Variants in KIF6 observed in about 807,000 individuals in gnomAD.
KIF6 encodes kinesin-like protein KIF6.
KIF6 carries 106 observed loss-of-function variants against 112.7 expected under a neutral mutation model. The observed-to-expected ratio is 0.94, with a 90% CI of 0.80 to 1.11. The LOEUF (loss-of-function observed/expected upper bound fraction) is 1.11. Ranked by LOEUF, KIF6 falls within the 50% of genes least tolerant of loss-of-function variation. The probability of loss-of-function intolerance (pLI) is 0.00; values close to 1 mark genes in which losing one functional copy is unlikely to be tolerated. For synonymous variants in KIF6, 339 were observed against 339.9 expected (o/e 1.00, Z 0.03); for missense variants, 929 against 964.0 (o/e 0.96, Z 0.48).
At chr6:39,360,261 A>G (rs938749738) in intron 18 of KIF6, 134 bp downstream of exon 18, 22 of 928,644 alleles carry the variant, frequency 2.4e-5, no homozygotes, top group Non-Finnish European at 3.4e-5. Flanking sequence ...TACTACAGTG[A>G]GCACCTGCTT....
At chr6:39,576,281 C>T (rs897479306) in intron 10 of KIF6, among the ~76,000 whole-genome samples, 1 of 152,020 alleles carries the variant, frequency 6.6e-6, no homozygotes, top group Non-Finnish European at 1.5e-5. Flanking sequence ...TGCACCACCA[C>T]ACCCGGCTAA....
chr6:39,639,313 A>AT (rs1784788425), intron 4 of KIF6, among the ~76,000 whole-genome samples: 1 of 152,116 alleles, frequency 6.6e-6, no homozygotes, highest in Non-Finnish European at 1.5e-5. Flanking sequence ...CTTGAGGAAT[A>AT]TAAGATATTA....
chr6:39,506,337 A>AAC (rs1450269483), intron 13 of KIF6, among the ~76,000 whole-genome samples: 2 of 152,260 alleles, frequency 1.3e-5, no homozygotes, highest in African/African-American at 4.8e-5. Context: ...GGAGGGGAAC[A>AAC]ACACACACCG....
At chr6:39,447,998 G>A (rs1301790024) in intron 13 of KIF6, among the ~76,000 whole-genome samples, 2 of 152,068 alleles carry the variant, frequency 1.3e-5, no homozygotes, top group African/African-American at 2.4e-5. Context: ...GCAGTGATAC[G>A]TTTCTTCCTG....
chr6:39,356,501 G>A (rs1004456778), intron 19 of KIF6, among the ~76,000 whole-genome samples: 2 of 152,166 alleles, frequency 1.3e-5, no homozygotes, highest in Admixed American at 6.5e-5. Context: ...CTGACCTCAG[G>A]TGATCCACCC....
chr6:39,457,926 G>A (rs1017351553), intron 13 of KIF6, among the ~76,000 whole-genome samples: 9 of 150,226 alleles, frequency 6.0e-5, no homozygotes, highest in African/African-American at 9.9e-5. Context: ...ATTCACAGCC[G>A]AATTCTACCA....
rs182747097 is a variant in KIF6, at chr6:39,674,335, C to G, written c.252-34578G>C. On this transcript the variant is annotated intron_variant, in intron 3 of 22. Coordinates refer to ENST00000287152, the MANE Select transcript of KIF6 (RefSeq NM_145027.6). ...AGGACAGGGGCCATAAGCTATAGAT[C>G]AGTCGTGTAGAAGTTGATCCTGAGC... Among the ~76,000 whole-genome samples, 213 of 152,250 alleles carry G rather than the reference C, an allele frequency of 1.4e-3. 1 individual carries two copies. The highest frequency in any genetic ancestry group is 4.9e-3 in the African/African-American group (204 of 41,548).
intron 13 of KIF6, among the ~76,000 whole-genome samples, chr6:39,529,773 C>T (rs529259263): frequency 1.9e-4 from 29 of 151,602 alleles, no homozygotes; most frequent in African/African-American, 4.8e-4. Flanking sequence ...GGCGACAGAG[C>T]GAGACTCCGT....
At chr6:39,395,446 T>C (rs1325749646) in intron 15 of KIF6, among the ~76,000 whole-genome samples, 3 of 152,198 alleles carry the variant, frequency 2.0e-5, no homozygotes, top group African/African-American at 7.2e-5. Context: ...GGGCTCATGA[T>C]TGTGTTGGTA....
chr6:39,441,582 C>A (rs2150395683), intron 13 of KIF6, among the ~76,000 whole-genome samples: 1 of 152,210 alleles, frequency 6.6e-6, no homozygotes, highest in Admixed American at 6.5e-5. Context: ...TGTAGCCCAG[C>A]TACAATTTGA....
chr6:39,573,250 G>A (rs1780744649), intron 10 of KIF6, among the ~76,000 whole-genome samples: 1 of 152,018 alleles, frequency 6.6e-6, no homozygotes, highest in Admixed American at 6.6e-5. Flanking sequence ...GAGGACTGAA[G>A]CTGATTCACA....
chr6:39,353,181 C>T (rs1014493604), intron 19 of KIF6, among the ~76,000 whole-genome samples: 5 of 152,062 alleles, frequency 3.3e-5, no homozygotes, highest in African/African-American at 1.2e-4. Flanking sequence ...TTTTGCATTC[C>T]CTCTAGCAAT....
At chr6:39,393,173 A>G (rs1581752927) in intron 15 of KIF6, among the ~76,000 whole-genome samples, 1 of 152,352 alleles carries the variant, frequency 6.6e-6, no homozygotes, top group East Asian at 1.9e-4. Context: ...GTGAGGGCAC[A>G]GTAAAGACAT....
At chr6:39,541,797 A>G (rs1435957698) in intron 12 of KIF6, among the ~76,000 whole-genome samples, 1 of 152,332 alleles carries the variant, frequency 6.6e-6, no homozygotes, top group East Asian at 1.9e-4. Flanking sequence ...GATCTGAGCC[A>G]TAAGAAGAAC....
chr6:39,381,995 G>A (rs568845891), intron 16 of KIF6, among the ~76,000 whole-genome samples: 3 of 152,294 alleles, frequency 2.0e-5, no homozygotes, highest in Non-Finnish European at 4.4e-5. Context: ...GGCCCAGGAA[G>A]TGTCTGCCCC....
At chr6:39,500,766 T>C (rs1034812551) in intron 13 of KIF6, among the ~76,000 whole-genome samples, 2 of 151,850 alleles carry the variant, frequency 1.3e-5, no homozygotes, top group Admixed American at 1.3e-4. Flanking sequence ...AAATGGGAGT[T>C]TGGAGTTCAA....
At chr6:39,562,662 C>A (rs1055605906) in intron 10 of KIF6, among the ~76,000 whole-genome samples, 1 of 152,166 alleles carries the variant, frequency 6.6e-6, no homozygotes, top group Non-Finnish European at 1.5e-5. Flanking sequence ...ATCTAGTTAG[C>A]TGAATGTTAT....
intron 13 of KIF6, among the ~76,000 whole-genome samples, chr6:39,497,508 C>G (rs1401117783): frequency 6.6e-6 from 1 of 152,198 alleles, no homozygotes; most frequent in Non-Finnish European, 1.5e-5. Flanking sequence ...ATTGATGATT[C>G]CATGTGTTTA....
chr6:39,379,656 GA>G (rs1179645580), intron 16 of KIF6, among the ~76,000 whole-genome samples: 1 of 152,192 alleles, frequency 6.6e-6, no homozygotes, highest in East Asian at 1.9e-4. Flanking sequence ...ACAGTGAATG[GA>G]AGAATGTAGG....
Sources: allele counts gnomAD v4.1 joint callset (sites outside exome capture counted in the v4.1 genomes callset), GRCh38; gene constraint gnomAD v4.1.1; transcripts MANE v1.5; gene names NCBI Gene and HGNC (gene_info 2026-07-23, HGNC 2026-07-21).